CCDC192: variants seen among roughly 807,000 people sequenced by gnomAD.
The protein encoded by CCDC192 is coiled-coil domain containing 192.
intron 6 of CCDC192, among the ~76,000 whole-genome samples, chr5:127,940,242 G>C (rs940235782): frequency 3.9e-5 from 6 of 152,116 alleles, no homozygotes; most frequent in African/African-American, 1.4e-4. Flanking sequence ...TGTCCAAGAG[G>C]TATCTGTGAT....
upstream of CCDC192, among the ~76,000 whole-genome samples, chr5:127,703,110 T>G (rs1750774133): frequency 6.6e-6 from 1 of 152,202 alleles, no homozygotes. Context: ...TGTGGCTGTT[T>G]CCTTAGCATT....
At position 127,739,177 on chromosome 5, in the gene CCDC192, GA is replaced by G. The variant is rs1479275770; in HGVS notation, c.115-15089del. ...AGGACCCTCAGCTGCAGGTCTGTTGGAATACCCTGCCGTGTGAGGTGTCAGT... is the reference window on the plus strand; with the variant it reads ...AGGACCCTCAGCTGCAGGTCTGTTGGATACCCTGCCGTGTGAGGTGTCAGT... On this transcript the variant is annotated intron_variant, in intron 2 of 6. Transcript: ENST00000514853. Among the ~76,000 whole-genome samples, 4 of 152,002 alleles carry G rather than the reference GA, an allele frequency of 2.6e-5. No homozygotes were observed. The East Asian group carries it at 7.7e-4, about 29-fold the overall frequency.
chr5:127,877,857 G>A (rs1455317178), intron 6 of CCDC192, among the ~76,000 whole-genome samples: 1 of 152,066 alleles, frequency 6.6e-6, no homozygotes, highest in Non-Finnish European at 1.5e-5. Flanking sequence ...GTTTGTTTTG[G>A]GTTCTCAGAC....
At chr5:127,764,352 A>T (rs1755097121) in intron 3 of CCDC192, among the ~76,000 whole-genome samples, 1 of 152,220 alleles carries the variant, frequency 6.6e-6, no homozygotes, top group African/African-American at 2.4e-5. Context: ...AGATATATTT[A>T]TGAGTTGGAT....
chr5:127,843,195 C>T (rs554535662), intron 5 of CCDC192, among the ~76,000 whole-genome samples: 7 of 149,408 alleles, frequency 4.7e-5, no homozygotes, highest in Non-Finnish European at 1.0e-4. Context: ...CCACCATGCC[C>T]GGCTAATTTT....
chr5:127,769,947 G>A (rs900454682), intron 3 of CCDC192, among the ~76,000 whole-genome samples: 3 of 152,096 alleles, frequency 2.0e-5, no homozygotes, highest in Admixed American at 6.5e-5. Flanking sequence ...AGATAAAAAC[G>A]GAAAGAGGGA....
chr5:127,932,114 A>G (rs865881708), intron 6 of CCDC192, among the ~76,000 whole-genome samples: 3 of 148,720 alleles, frequency 2.0e-5, no homozygotes, highest in South Asian at 2.2e-4. Context: ...AGATCGTGCC[A>G]CTGCGCTCCA....
chr5:127,877,408 C>T (rs1454075972), intron 6 of CCDC192, among the ~76,000 whole-genome samples: 1 of 151,366 alleles, frequency 6.6e-6, no homozygotes, highest in Non-Finnish European at 1.5e-5. Context: ...TGAACAGATG[C>T]AAATTTAAAA....
At chr5:127,852,995 C>T (rs930070670) in intron 5 of CCDC192, among the ~76,000 whole-genome samples, 3 of 152,056 alleles carry the variant, frequency 2.0e-5, no homozygotes, top group African/African-American at 7.2e-5. Context: ...GAGGCTGAGG[C>T]AGGAGAAAGG....
chr5:127,852,616 A>G (rs1580751637), intron 5 of CCDC192, among the ~76,000 whole-genome samples: 1 of 152,172 alleles, frequency 6.6e-6, no homozygotes, highest in Non-Finnish European at 1.5e-5. Flanking sequence ...AACCCTGACT[A>G]TAAAACTCTG....
chr5:127,879,042 T>C (rs564328569), intron 6 of CCDC192, among the ~76,000 whole-genome samples: 60 of 150,480 alleles, frequency 4.0e-4, no homozygotes, highest in African/African-American at 1.4e-3. Context: ...CTTGTGATTT[T>C]TGTACATTGA....
intron 5 of CCDC192, among the ~76,000 whole-genome samples, chr5:127,801,480 C>T (rs1757505461): frequency 6.6e-6 from 1 of 152,038 alleles, no homozygotes; most frequent in South Asian, 2.1e-4. Flanking sequence ...CTCCCTCACT[C>T]CCCTCTCTCT....
chr5:127,744,899 A>G (rs539016215), intron 2 of CCDC192, among the ~76,000 whole-genome samples: 1 of 152,194 alleles, frequency 6.6e-6, no homozygotes, highest in Non-Finnish European at 1.5e-5. Context: ...TCGTGACCAC[A>G]TTCTTGCCCT....
At chr5:127,736,708 T>C (rs1436426721) in intron 2 of CCDC192, among the ~76,000 whole-genome samples, 1 of 151,632 alleles carries the variant, frequency 6.6e-6, no homozygotes, top group Non-Finnish European at 1.5e-5. Context: ...TTTTCTAGTT[T>C]ATTTGCATAG....
At chr5:127,749,726 G>C (rs944697168) in intron 2 of CCDC192, among the ~76,000 whole-genome samples, 1 of 152,200 alleles carries the variant, frequency 6.6e-6, no homozygotes, top group Non-Finnish European at 1.5e-5. Context: ...GAATTTGGCT[G>C]TGAATCCATC....
intron 6 of CCDC192, among the ~76,000 whole-genome samples, chr5:127,914,128 T>C (rs1308716481): frequency 6.6e-6 from 1 of 152,212 alleles, no homozygotes; most frequent in Non-Finnish European, 1.5e-5. Flanking sequence ...AAGACTGATC[T>C]AGTGATAATG....
At chr5:127,786,023 G>T (rs367702360) in intron 3 of CCDC192, 2 of 609,004 alleles carry the variant, frequency 3.3e-6, no homozygotes, top group Admixed American at 2.5e-5. Flanking sequence ...TTATGAATCT[G>T]TGTCTCCAGC....
intron 3 of CCDC192, among the ~76,000 whole-genome samples, chr5:127,759,328 A>G (rs1754786089): frequency 6.6e-6 from 1 of 152,198 alleles, no homozygotes; most frequent in African/African-American, 2.4e-5. Flanking sequence ...ATATGATAGT[A>G]TGTGGTGGTG....
chr5:127,916,917 A>C (rs1753536695), intron 6 of CCDC192, among the ~76,000 whole-genome samples: 1 of 152,188 alleles, frequency 6.6e-6, no homozygotes, highest in Non-Finnish European at 1.5e-5. Flanking sequence ...CTGCCCTTTG[A>C]AGCCAGGCAT....
Sources: gnomAD v4.1 joint callset for allele counts (sites outside exome capture counted in the v4.1 genomes callset) on GRCh38, gnomAD v4.1.1 for gene constraint, MANE v1.5 for transcripts, NCBI Gene and HGNC (gene_info 2026-07-23, HGNC 2026-07-21) for gene names.